LARGE1: variants seen among roughly 807,000 people sequenced by gnomAD.
The protein encoded by LARGE1 is LARGE xylosyl- and glucuronyltransferase 1, also known as xylosyl- and glucuronyltransferase LARGE1.
Under a neutral mutation model 87.6 loss-of-function variants are expected in LARGE1, and 43 were observed. That is an observed-to-expected ratio of 0.49 (90% confidence interval 0.38 to 0.63). The LOEUF is 0.63. Ranked by LOEUF, LARGE1 falls within the 30% of genes least tolerant of loss-of-function variation. The pLI, the probability that LARGE1 is intolerant of heterozygous loss-of-function variation, is 0.00. For synonymous variants in LARGE1, 434 were observed against 394.6 expected (o/e 1.10, Z -1.18); for missense variants, 802 against 1,000.2 (o/e 0.80, Z 2.67).
chr22:33,416,764 G>A (rs1249237199), intron 7 of LARGE1, among the ~76,000 whole-genome samples: 6 of 151,634 alleles, frequency 4.0e-5, no homozygotes, highest in Admixed American at 2.6e-4. Flanking sequence ...CCACCAGCCC[G>A]GCTAATTTTT....
At chr22:33,922,271 T>TG (rs1280019526), upstream of LARGE1, among the ~76,000 whole-genome samples, 6 of 17,126 alleles carry the variant, frequency 3.5e-4, no homozygotes, top group African/African-American at 1.3e-3. Context: ...GAGGTCGGGC[T>TG]GGGGGGGTGG....
At chr22:33,210,534 A>T (rs957367317) in intron 11 of LARGE1, among the ~76,000 whole-genome samples, 10 of 152,176 alleles carry the variant, frequency 6.6e-5, no homozygotes, top group African/African-American at 2.4e-4. Flanking sequence ...CCTTGAACTC[A>T]GTCTTAGCCT....
intron 11 of LARGE1, among the ~76,000 whole-genome samples, chr22:33,259,176 C>T (rs142243535): frequency 6.6e-6 from 1 of 152,192 alleles, no homozygotes; most frequent in Non-Finnish European, 1.5e-5. Flanking sequence ...CTACACCCGG[C>T]CAACTTTATC....
At chr22:33,542,773 T>C (rs1203425425) in intron 6 of LARGE1, among the ~76,000 whole-genome samples, 2 of 151,848 alleles carry the variant, frequency 1.3e-5, no homozygotes, top group Non-Finnish European at 1.5e-5. Context: ...AATCCATTTA[T>C]TTTACTAATC....
At chr22:33,820,258 TTTTAA>T (rs1221779210) in intron 1 of LARGE1, among the ~76,000 whole-genome samples, 1 of 152,168 alleles carries the variant, frequency 6.6e-6, no homozygotes, top group African/African-American at 2.4e-5. Context: ...CAATAGATGT[TTTTAA>T]TTTTTCTTCC....
chr22:33,642,710 CAAAAAAA>C (rs60815644), intron 3 of LARGE1, among the ~76,000 whole-genome samples: 2 of 17,344 alleles, frequency 1.2e-4, no homozygotes, highest in Admixed American at 9.6e-4. Flanking sequence ...AAATGGAAAG[CAAAAAAA>C]AAAAAAAAAA....
chr22:33,079,549 C>T, the LARGE1 span, among the ~76,000 whole-genome samples: 1 of 151,924 alleles, frequency 6.6e-6, no homozygotes, highest in African/African-American at 2.4e-5. Context: ...TTCTTATTAC[C>T]TACAACTTTT....
chr22:33,262,284 G>A (rs1235429626), intron 11 of LARGE1, among the ~76,000 whole-genome samples: 2 of 152,176 alleles, frequency 1.3e-5, no homozygotes, highest in East Asian at 1.9e-4. Flanking sequence ...AAGAACTCCT[G>A]GAAATTGTCC....
the LARGE1 span, among the ~76,000 whole-genome samples, chr22:33,148,551 T>C: frequency 1.3e-5 from 2 of 152,182 alleles, no homozygotes; most frequent in Non-Finnish European, 1.5e-5. Flanking sequence ...TGCGCAAGTT[T>C]TGTTTGAACA....
intron 11 of LARGE1, among the ~76,000 whole-genome samples, chr22:33,184,283 T>A (rs1923356889): frequency 6.6e-6 from 1 of 151,276 alleles, no homozygotes; most frequent in African/African-American, 2.4e-5. Flanking sequence ...AAACAAAGTA[T>A]AATGAAATAC....
the LARGE1 span, among the ~76,000 whole-genome samples, chr22:33,082,305 A>G: frequency 6.6e-6 from 1 of 152,210 alleles, no homozygotes; most frequent in Admixed American, 6.5e-5. Context: ...TCCTCTGTGC[A>G]GATGCCAGCA....
chr22:33,893,460 C>G (rs912595584), intron 1 of LARGE1, among the ~76,000 whole-genome samples: 9 of 152,142 alleles, frequency 5.9e-5, no homozygotes, highest in African/African-American at 2.2e-4. Flanking sequence ...AGACAGAAAC[C>G]CTGCCGTCAT....
intron 11 of LARGE1, among the ~76,000 whole-genome samples, chr22:33,198,744 C>T (rs964630588): frequency 2.6e-5 from 4 of 151,790 alleles, no homozygotes; most frequent in Non-Finnish European, 2.9e-5. Flanking sequence ...TCATCCAGTC[C>T]TCCGTAGATG....
the LARGE1 span, among the ~76,000 whole-genome samples, chr22:33,088,780 A>T: frequency 6.6e-6 from 1 of 152,186 alleles, no homozygotes; most frequent in African/African-American, 2.4e-5. Context: ...AGAGAATTTA[A>T]GGTTTAGAAT....
chr22:33,460,212 G>A (rs901286541), intron 6 of LARGE1, among the ~76,000 whole-genome samples: 3 of 152,152 alleles, frequency 2.0e-5, no homozygotes, highest in South Asian at 2.1e-4. Flanking sequence ...TAGCTCTCTT[G>A]CTGAGCTTCC....
chr22:33,825,577 A>G (rs2062758071), intron 1 of LARGE1, among the ~76,000 whole-genome samples: 1 of 152,082 alleles, frequency 6.6e-6, no homozygotes, highest in South Asian at 2.1e-4. Flanking sequence ...TTCTAAAACT[A>G]TCAGATCTCG....
chr22:33,179,657 G>A (rs5998786), intron 11 of LARGE1, among the ~76,000 whole-genome samples: 68,985 of 152,006 alleles, frequency 0.45, 15,992 homozygotes, highest in Middle Eastern at 0.51. Flanking sequence ...CCAACAATTT[G>A]TTCTTCCTAT....
rs575654267 is a variant in LARGE1 at position 33,289,485 on chromosome 22, C to CA, written c.1731-6138dup. Among the ~76,000 whole-genome samples, 215 of 152,258 alleles carry CA rather than the reference C, an allele frequency of 1.4e-3. 1 individual carries two copies. The highest frequency in any genetic ancestry group is 4.7e-3 in the African/African-American group (196 of 41,562). Reference sequence around the variant, plus strand: ...TCTCATCTCTCAGGGCTCTAGAGCCCAAAGCAGTGCCTGACTTAGAATTAA... The same window carrying CA: ...TCTCATCTCTCAGGGCTCTAGAGCCCAAAAGCAGTGCCTGACTTAGAATTAA... On this transcript the variant is annotated intron_variant, in intron 12 of 14. Transcript: ENST00000397394.
At chr22:33,749,116 C>G (rs564405540) in intron 2 of LARGE1, among the ~76,000 whole-genome samples, 1 of 152,186 alleles carries the variant, frequency 6.6e-6, no homozygotes, top group Non-Finnish European at 1.5e-5. Flanking sequence ...ACAGGTTGTG[C>G]TCTCCTCTTT....
Sources: gnomAD v4.1 joint callset for allele counts (sites outside exome capture counted in the v4.1 genomes callset) on GRCh38, gnomAD v4.1.1 for gene constraint, MANE v1.5 for transcripts, NCBI Gene and HGNC (gene_info 2026-07-23, HGNC 2026-07-21) for gene names.